The following PITPNB variants were observed in gnomAD, a reference collection of about 807,000 sequenced individuals.
The protein encoded by PITPNB is phosphatidylinositol transfer protein beta, also known as phosphatidylinositol transfer protein beta isoform.
In PITPNB, 16 loss-of-function variants were observed where a neutral mutation model predicts 45.9. The observed-to-expected ratio is 0.35, with a 90% CI of 0.24 to 0.53. PITPNB has a LOEUF of 0.53. Among genes scored for constraint, PITPNB ranks in the 20% least tolerant of loss-of-function variants. The probability of loss-of-function intolerance (pLI) is 0.93; values close to 1 mark genes in which losing one functional copy is unlikely to be tolerated. For missense variants in PITPNB, 188 were observed against 330.5 expected (o/e 0.57, Z 3.34); for synonymous variants, 112 against 108.9 (o/e 1.03, Z -0.18).
At chr22:27,857,536 G>A (rs1042130394) in intron 10 of PITPNB, among the ~76,000 whole-genome samples, 1 of 152,142 alleles carries the variant, frequency 6.6e-6, no homozygotes, top group Non-Finnish European at 1.5e-5. Context: ...TGCCTCACAC[G>A]CAGGCGTCTG....
chr22:27,885,671 G>A (rs1935103491), intron 7 of PITPNB, among the ~76,000 whole-genome samples: 1 of 151,866 alleles, frequency 6.6e-6, no homozygotes, highest in South Asian at 2.1e-4. Context: ...CACTGTGTCT[G>A]GCCAAAATTT....
At chr22:27,896,472 T>C in intron 6 of PITPNB, 80 bp downstream of exon 6, 1 of 947,066 alleles carries the variant, frequency 1.1e-6, no homozygotes, top group Non-Finnish European at 1.7e-6. Context: ...TGACATTACT[T>C]TGATGATGAC....
At chr22:27,874,712 A>G (rs1461179659) in intron 7 of PITPNB, among the ~76,000 whole-genome samples, 1 of 152,260 alleles carries the variant, frequency 6.6e-6, no homozygotes, top group Admixed American at 6.5e-5. Context: ...TAACAATAAG[A>G]GAGACTTGCA....
chr22:27,869,673 TAG>T (rs1182798950), intron 8 of PITPNB, among the ~76,000 whole-genome samples: 71 of 152,312 alleles, frequency 4.7e-4, no homozygotes, highest in African/African-American at 1.7e-3. Flanking sequence ...GGCACATTTA[TAG>T]ATCTCAGCAA....
intron 7 of PITPNB, among the ~76,000 whole-genome samples, chr22:27,893,892 A>G (rs1380580933): frequency 6.6e-6 from 1 of 152,150 alleles, no homozygotes; most frequent in Non-Finnish European, 1.5e-5. Flanking sequence ...TGTCCAGCCT[A>G]AGATTATTCT....
intron 7 of PITPNB, among the ~76,000 whole-genome samples, chr22:27,890,630 T>C (rs770767444): frequency 2.0e-5 from 3 of 152,094 alleles, no homozygotes; most frequent in Non-Finnish European, 4.4e-5. Context: ...CTGGCTAACA[T>C]GGCGAAACCC....
At chr22:27,894,741 A>C in intron 6 of PITPNB, 103 bp from the exon 7 acceptor site, 1 of 573,362 alleles carries the variant, frequency 1.7e-6, no homozygotes, top group Non-Finnish European at 3.0e-6. Flanking sequence ...CATTATAGGG[A>C]ATTAAAAGAC....
intron 7 of PITPNB, among the ~76,000 whole-genome samples, chr22:27,881,859 G>A (rs528905219): frequency 6.6e-6 from 1 of 152,272 alleles, no homozygotes; most frequent in East Asian, 1.9e-4. Context: ...TAGCTCAAAA[G>A]CTTACAAATA....
intron 7 of PITPNB, among the ~76,000 whole-genome samples, chr22:27,881,992 G>A (rs1259042821): frequency 3.9e-5 from 6 of 152,178 alleles, no homozygotes; most frequent in Admixed American, 1.3e-4. Context: ...GTGCAATGAC[G>A]AAGTTTAGTA....
At position 27,876,339 on chromosome 22, in the gene PITPNB, T is replaced by C. The variant is rs1934818508; in HGVS notation, c.457-2524A>G. On this transcript the variant is annotated intron_variant, in intron 7 of 11. Transcript: ENST00000335272. ...AATATCATACACATATACATATGTA[T>C]GTATGAAATGAAGTCTTCCCCTCTC... Among the ~76,000 whole-genome samples, 8 of 152,328 alleles carry C rather than the reference T, an allele frequency of 5.3e-5. 1 individual carries two copies. In the South Asian group the frequency reaches 1.7e-3, roughly 32 times the overall value.
chr22:27,903,615 CAA>C (rs902576685), intron 3 of PITPNB, among the ~76,000 whole-genome samples: 1 of 142,640 alleles, frequency 7.0e-6, no homozygotes, highest in Admixed American at 7.0e-5. Flanking sequence ...CCCACCTCTA[CAA>C]AAAAAAAAAT....
Position 27,885,212 on chromosome 22 carries a change from T to TTAAAA in PITPNB, c.456+9342_456+9343insTTTTA, listed in dbSNP as rs1569019261. Among the ~76,000 whole-genome samples, 8 of 30,234 alleles carry TTAAAA rather than the reference T, an allele frequency of 2.6e-4. No homozygotes were observed. The East Asian group carries it at 3.7e-3, about 14-fold the overall frequency. The allele number at this position is 30,234 out of a possible 152,430, so 19.8% of individuals were successfully genotyped here. A position where few individuals can be genotyped will look rare whatever the true frequency, so the allele number is the denominator to read the frequency against. ...AAAGAGCCAGATTCAAATTTATACC[T>TTAAAA]AAAAAAAAAAAAAAAAAAAAAAAAA... On this transcript the variant is annotated intron_variant, in intron 7 of 11. Transcript: ENST00000335272.
intron 8 of PITPNB, among the ~76,000 whole-genome samples, chr22:27,872,081 GTTTTTTTTTTTTTTTTTTT>G (rs58288724): frequency 3.1e-5 from 2 of 64,368 alleles, no homozygotes; most frequent in African/African-American, 6.0e-5. Context: ...ATTAAGCCTG[GTTTTTTTTTTTTTTTTTTT>G]TTTTTTTTTT....
intron 8 of PITPNB, among the ~76,000 whole-genome samples, chr22:27,865,804 CAT>C (rs1418537976): frequency 2.6e-5 from 4 of 152,142 alleles, no homozygotes; most frequent in African/African-American, 9.7e-5. Flanking sequence ...ATCCCCGTGA[CAT>C]GTGTTTACCT....
chr22:27,900,926 T>C (rs1422569034), intron 3 of PITPNB, among the ~76,000 whole-genome samples: 3 of 152,190 alleles, frequency 2.0e-5, no homozygotes, highest in African/African-American at 7.2e-5. Flanking sequence ...CAGATTCCTG[T>C]TTTGGAAGCT....
chr22:27,872,229 G>A (rs1447499881), intron 8 of PITPNB, among the ~76,000 whole-genome samples: 1 of 151,642 alleles, frequency 6.6e-6, no homozygotes, highest in Non-Finnish European at 1.5e-5. Context: ...GAGTAGCTGG[G>A]ATTACACGCA....
At chr22:27,867,332 C>T (rs1220615685) in intron 8 of PITPNB, among the ~76,000 whole-genome samples, 5 of 152,122 alleles carry the variant, frequency 3.3e-5, no homozygotes, top group African/African-American at 9.7e-5. Flanking sequence ...AGAAGGTCAT[C>T]GGCAAGACTC....
intron 1 of PITPNB, among the ~76,000 whole-genome samples, chr22:27,915,455 T>C (rs888125051): frequency 2.0e-5 from 3 of 152,174 alleles, no homozygotes; most frequent in Non-Finnish European, 4.4e-5. Context: ...ACCCAGATTA[T>C]ATCTAGTTTG....
At chr22:27,918,515 C>T (rs1012960254) in intron 1 of PITPNB, among the ~76,000 whole-genome samples, 1 of 152,212 alleles carries the variant, frequency 6.6e-6, no homozygotes, top group East Asian at 1.9e-4. Context: ...TGACAGAGCA[C>T]GTGTTAACTT....
Sources: allele counts gnomAD v4.1 joint callset (sites outside exome capture counted in the v4.1 genomes callset), GRCh38; gene constraint gnomAD v4.1.1; transcripts MANE v1.5; gene names NCBI Gene and HGNC (gene_info 2026-07-23, HGNC 2026-07-21).